CNTN5: variants seen among roughly 807,000 people sequenced by gnomAD.
CNTN5 encodes contactin 5.
In CNTN5, 77 loss-of-function variants were observed where a neutral mutation model predicts 129.1. That is an observed-to-expected ratio of 0.60 (90% confidence interval 0.50 to 0.72). The LOEUF is 0.72. CNTN5 is among the 30% of genes least tolerant of loss of function. The probability of loss-of-function intolerance (pLI) is 0.00; values close to 1 mark genes in which losing one functional copy is unlikely to be tolerated. For synonymous variants in CNTN5, 509 were observed against 465.6 expected (o/e 1.09, Z -1.20); for missense variants, 1,478 against 1,328.8 (o/e 1.11, Z -1.75).
intron 1 of CNTN5, among the ~76,000 whole-genome samples, chr11:99,242,060 T>G (rs998946957): frequency 1.3e-5 from 2 of 152,176 alleles, no homozygotes; most frequent in African/African-American, 4.8e-5. Context: ...TAAATGCCAT[T>G]TTATTATGGA....
chr11:100,272,979 CT>C (rs1264015898), intron 18 of CNTN5, among the ~76,000 whole-genome samples: 1 of 152,112 alleles, frequency 6.6e-6, no homozygotes, highest in African/African-American at 2.4e-5. Context: ...GGCCATCCCC[CT>C]AGGTTCGATT....
At chr11:100,153,951 A>G (rs1262494568) in intron 13 of CNTN5, among the ~76,000 whole-genome samples, 1 of 152,084 alleles carries the variant, frequency 6.6e-6, no homozygotes, top group African/African-American at 2.4e-5. Flanking sequence ...TTTCTCTGCT[A>G]CTGAACTAAG....
At chr11:100,286,083 C>T (rs190922296) in intron 18 of CNTN5, among the ~76,000 whole-genome samples, 37 of 152,322 alleles carry the variant, frequency 2.4e-4, no homozygotes, top group East Asian at 3.9e-4. Context: ...GATTATATCC[C>T]GCACCTGGCT....
chr11:99,059,285 A>T (rs2135204342), intron 1 of CNTN5, among the ~76,000 whole-genome samples: 1 of 152,082 alleles, frequency 6.6e-6, no homozygotes. Context: ...CTTGTCCTTC[A>T]TTATCATGGA....
At chr11:99,204,719 C>T (rs1859388527) in intron 1 of CNTN5, among the ~76,000 whole-genome samples, 2 of 152,044 alleles carry the variant, frequency 1.3e-5, no homozygotes, top group South Asian at 4.1e-4. Flanking sequence ...CTGCTCAATC[C>T]CCTAAAGTTA....
intron 17 of CNTN5, among the ~76,000 whole-genome samples, chr11:100,263,955 G>T (rs921537057): frequency 6.6e-6 from 1 of 152,082 alleles, no homozygotes; most frequent in Non-Finnish European, 1.5e-5. Flanking sequence ...TAGCAATCCA[G>T]TACCTATCTT....
intron 6 of CNTN5, among the ~76,000 whole-genome samples, chr11:99,872,957 A>G (rs909309595): frequency 2.0e-5 from 3 of 152,180 alleles, no homozygotes; most frequent in African/African-American, 4.8e-5. Flanking sequence ...GCTGAGACTA[A>G]TAACATATTT....
At chr11:100,321,454 C>T (rs551089160) in intron 21 of CNTN5, among the ~76,000 whole-genome samples, 1 of 151,944 alleles carries the variant, frequency 6.6e-6, no homozygotes, top group Non-Finnish European at 1.5e-5. Context: ...AGTTTTTTGG[C>T]AAAGTCATCA....
At chr11:99,984,015 C>A (rs1308436786) in intron 8 of CNTN5, among the ~76,000 whole-genome samples, 1 of 152,110 alleles carries the variant, frequency 6.6e-6, no homozygotes, top group Non-Finnish European at 1.5e-5. Flanking sequence ...CACCTGTTAC[C>A]CCAGCACTTT....
At chr11:99,036,321 A>G (rs181283268) in intron 1 of CNTN5, among the ~76,000 whole-genome samples, 2 of 152,108 alleles carry the variant, frequency 1.3e-5, no homozygotes, top group East Asian at 1.9e-4. Flanking sequence ...TTTTCCCAAG[A>G]TGGAGTTTCA....
At position 99,819,783 on chromosome 11, in the gene CNTN5, A is replaced by G. The variant is rs1946738637; in HGVS notation, c.277+18A>G. On this transcript the variant is annotated intron_variant, in intron 4 of 24. Transcript: ENST00000524871. The stretch of plus-strand genomic sequence containing the variant: ...ACAAGATGGTAAGTGTCAAAGGAAA[A>G]TGGCTCCAGATAGAATAAAGGAGGC... 6.7e-7 allele frequency: 1 copy of G among 1,493,574 alleles called. No homozygotes were observed. Among genetic ancestry groups the G allele is most frequent in the Admixed American group, 2.0e-5 (1 of 51,126 alleles). The allele number at this position is 1,493,574 out of a possible 1,614,324, so 92.5% of individuals were successfully genotyped here.
chr11:100,069,660 T>C (rs1408009429), intron 10 of CNTN5, among the ~76,000 whole-genome samples: 1 of 152,168 alleles, frequency 6.6e-6, no homozygotes, highest in Non-Finnish European at 1.5e-5. Context: ...GTAGCACATA[T>C]AAATATTTTA....
At chr11:99,993,720 C>T (rs1201988672) in intron 8 of CNTN5, among the ~76,000 whole-genome samples, 1 of 152,070 alleles carries the variant, frequency 6.6e-6, no homozygotes, top group Non-Finnish European at 1.5e-5. Context: ...CAGACCACTG[C>T]AGGTCTGTGG....
chr11:99,717,023 C>A (rs1371429116), intron 3 of CNTN5, among the ~76,000 whole-genome samples: 1 of 151,982 alleles, frequency 6.6e-6, no homozygotes, highest in Non-Finnish European at 1.5e-5. Context: ...GGTGAAATTA[C>A]AATTGGGCAT....
intron 18 of CNTN5, among the ~76,000 whole-genome samples, chr11:100,286,048 A>G (rs570981): frequency 1.6e-4 from 24 of 151,868 alleles, no homozygotes; most frequent in East Asian, 3.9e-4. Context: ...CTTTTCCGAT[A>G]GGCTTAAAAA....
At chr11:100,037,743 A>G (rs1942105450) in intron 9 of CNTN5, among the ~76,000 whole-genome samples, 1 of 152,074 alleles carries the variant, frequency 6.6e-6, no homozygotes, top group African/African-American at 2.4e-5. Context: ...TAGATTTTCT[A>G]GTTTATTTGT....
At position 99,613,351 on chromosome 11, in the gene CNTN5, C is replaced by G. The variant is rs372310797; in HGVS notation, c.55+57082C>G. On this transcript the variant is annotated intron_variant, in intron 3 of 24. Transcript: ENST00000524871. ...GCTGGGCCTGTCTTCTTCCTGCAGT[C>G]TTGGGGAGAAGGGTCCTTGCTTCTC... Among the ~76,000 whole-genome samples, 144 of 152,244 alleles carry G rather than the reference C, an allele frequency of 9.5e-4. No homozygotes were observed. In the South Asian group the frequency reaches 0.024, roughly 25 times the overall value.
intron 4 of CNTN5, among the ~76,000 whole-genome samples, chr11:99,825,692 G>C (rs906379420): frequency 6.6e-6 from 1 of 152,054 alleles, no homozygotes; most frequent in Non-Finnish European, 1.5e-5. Context: ...TGATAGTTAT[G>C]TTCCCTTTGT....
chr11:99,917,940 G>A (rs762006660), intron 7 of CNTN5, among the ~76,000 whole-genome samples: 8 of 151,994 alleles, frequency 5.3e-5, no homozygotes, highest in East Asian at 1.9e-4. Context: ...TTTTACATCC[G>A]AACTCATCTG....
Sources: allele counts gnomAD v4.1 joint callset (sites outside exome capture counted in the v4.1 genomes callset), GRCh38; gene constraint gnomAD v4.1.1; transcripts MANE v1.5; gene names NCBI Gene and HGNC (gene_info 2026-07-23, HGNC 2026-07-21).